RGS6: variants seen among roughly 807,000 people sequenced by gnomAD.
The protein encoded by RGS6 is regulator of G protein signaling 6, also known as regulator of G-protein signaling 6.
A neutral mutation model predicts 78.5 loss-of-function variants in RGS6; 30 were observed. That is an observed-to-expected ratio of 0.38 (90% CI 0.29 to 0.52). The LOEUF (loss-of-function observed/expected upper bound fraction) is 0.52, where lower values mean the gene tolerates loss of function less well. RGS6 is among the 20% of genes least tolerant of loss of function. RGS6 has a pLI of 0.85. For synonymous variants in RGS6, 206 were observed against 206.0 expected (o/e 1.00, Z 0.00); for missense variants, 495 against 609.7 (o/e 0.81, Z 1.98).
intron 17 of RGS6, among the ~76,000 whole-genome samples, chr14:72,547,663 T>C (rs2097428648): frequency 6.6e-6 from 1 of 152,052 alleles, no homozygotes; most frequent in African/African-American, 2.4e-5. Context: ...GACCCTTGGG[T>C]GTTTGCTTAG....
chr14:72,575,676 T>G, the RGS6 span, among the ~76,000 whole-genome samples: 1 of 152,220 alleles, frequency 6.6e-6, no homozygotes. Flanking sequence ...TTTTGAATAC[T>G]CCCACCACAA....
At chr14:72,617,164 T>C in the RGS6 span, among the ~76,000 whole-genome samples, 1 of 152,188 alleles carries the variant, frequency 6.6e-6, no homozygotes, top group African/African-American at 2.4e-5. Context: ...TGCACTTCTG[T>C]GGAAAACAAA....
intron 1 of RGS6, among the ~76,000 whole-genome samples, chr14:71,961,591 A>G (rs1016677598): frequency 1.2e-4 from 18 of 152,356 alleles, no homozygotes; most frequent in African/African-American, 4.1e-4. Flanking sequence ...AATGAGAGGC[A>G]TCTTGTAACC....
intron 2 of RGS6, among the ~76,000 whole-genome samples, chr14:72,326,297 A>G (rs959707907): frequency 6.6e-6 from 1 of 152,232 alleles, no homozygotes; most frequent in African/African-American, 2.4e-5. Context: ...GTAAAATGGC[A>G]ATAGTAATAA....
chr14:72,049,552 C>T (rs1279904990), intron 2 of RGS6, among the ~76,000 whole-genome samples: 4 of 152,282 alleles, frequency 2.6e-5, no homozygotes, highest in Admixed American at 6.5e-5. Context: ...AGAGAAAGAA[C>T]GTGGGTGAGT....
At chr14:72,197,478 G>T (rs1311116752) in intron 2 of RGS6, among the ~76,000 whole-genome samples, 4 of 152,198 alleles carry the variant, frequency 2.6e-5, no homozygotes, top group African/African-American at 9.7e-5. Context: ...TGTCCTGCGA[G>T]GGATACACAA....
intron 2 of RGS6, among the ~76,000 whole-genome samples, chr14:72,156,510 A>G (rs1290016841): frequency 6.6e-6 from 1 of 150,674 alleles, no homozygotes; most frequent in Non-Finnish European, 1.5e-5. Context: ...TATAAAACAG[A>G]GTTGTGATAC....
At chr14:72,486,019 A>G (rs1234695347) in intron 12 of RGS6, among the ~76,000 whole-genome samples, 2 of 152,152 alleles carry the variant, frequency 1.3e-5, no homozygotes, top group Non-Finnish European at 2.9e-5. Context: ...AGTGGGAGGT[A>G]ATTGAATCAT....
chr14:72,488,520 T>G (rs2096529741), intron 12 of RGS6, among the ~76,000 whole-genome samples: 1 of 152,226 alleles, frequency 6.6e-6, no homozygotes, highest in Admixed American at 6.5e-5. Flanking sequence ...GGATTTTTCT[T>G]AAAGAGATCT....
At chr14:72,395,399 A>G (rs1244372445) in intron 3 of RGS6, among the ~76,000 whole-genome samples, 1 of 152,170 alleles carries the variant, frequency 6.6e-6, no homozygotes, top group African/African-American at 2.4e-5. Context: ...TAAAAATGGA[A>G]TCATACTCTA....
chr14:72,497,094 T>C (rs1242868757), intron 13 of RGS6, among the ~76,000 whole-genome samples: 2 of 152,186 alleles, frequency 1.3e-5, no homozygotes, highest in Non-Finnish European at 2.9e-5. Flanking sequence ...ATTTCATCAG[T>C]ATATATTTTC....
chr14:72,329,915 C>T (rs1423747511), intron 2 of RGS6, among the ~76,000 whole-genome samples: 2 of 152,214 alleles, frequency 1.3e-5, no homozygotes, highest in South Asian at 2.1e-4. Context: ...AGTCTCCTGC[C>T]CTTCTCTACT....
Position 72,286,972 on chromosome 14 carries a change from C to T in RGS6, c.85-65123C>T, listed in dbSNP as rs185463834. On this transcript the variant is annotated intron_variant, in intron 2 of 17. Transcript: ENST00000553525. ...CTAATTTTTGTGTTTTTAGTAGAGA[C>T]GGGGTTTCACCATGTTGGCCAGGCT... Among the ~76,000 whole-genome samples the T allele has an allele frequency of 2.6e-3, 400 of 152,190 alleles. 1 individual carries two copies. Among genetic ancestry groups the T allele is most frequent in the African/African-American group, 9.2e-3 (381 of 41,524 alleles).
chr14:72,232,711 A>C (rs573621589), intron 2 of RGS6, among the ~76,000 whole-genome samples: 33 of 152,172 alleles, frequency 2.2e-4, no homozygotes, highest in African/African-American at 7.5e-4. Context: ...TGGGGACCTT[A>C]TTGACCATGG....
chr14:71,911,031 T>A, the RGS6 span, among the ~76,000 whole-genome samples: 1 of 152,206 alleles, frequency 6.6e-6, no homozygotes, highest in Non-Finnish European at 1.5e-5. Context: ...TCTGATCTCA[T>A]AGAGATCTGT....
intron 2 of RGS6, among the ~76,000 whole-genome samples, chr14:72,031,177 A>C (rs984848208): frequency 6.6e-6 from 1 of 152,116 alleles, no homozygotes; most frequent in Admixed American, 6.5e-5. Context: ...TATTTTGAAA[A>C]TATTAAATGA....
intron 17 of RGS6, among the ~76,000 whole-genome samples, chr14:72,560,797 C>CGTGTGTGT (rs57504072): frequency 0.011 from 1,582 of 141,296 alleles, 12 homozygotes; most frequent in Non-Finnish European, 0.015. Flanking sequence ...ATTTTGTGGA[C>CGTGTGTGT]GTGTGTGTGT....
chr14:72,378,128 T>A (rs2085215950), intron 3 of RGS6, among the ~76,000 whole-genome samples: 1 of 151,906 alleles, frequency 6.6e-6, no homozygotes, highest in Non-Finnish European at 1.5e-5. Flanking sequence ...AAGGAAAAAA[T>A]TTAAAGTGAA....
chr14:72,556,138 A>G (rs950274125), intron 17 of RGS6, among the ~76,000 whole-genome samples: 8 of 152,178 alleles, frequency 5.3e-5, no homozygotes, highest in Non-Finnish European at 1.0e-4. Flanking sequence ...GTTGCCAATT[A>G]TATTAGTCCA....
Sources: allele counts gnomAD v4.1 joint callset (sites outside exome capture counted in the v4.1 genomes callset), GRCh38; gene constraint gnomAD v4.1.1; transcripts MANE v1.5; gene names NCBI Gene and HGNC (gene_info 2026-07-23, HGNC 2026-07-21).